TMEM254: variants seen among roughly 807,000 people sequenced by gnomAD.
TMEM254 encodes transmembrane protein 254, also known as transmembrane protein C10orf57.
A neutral mutation model predicts 13.9 loss-of-function variants in TMEM254; 16 were observed. That is an observed-to-expected ratio of 1.15 (90% CI 0.78 to 1.75). The LOEUF (loss-of-function observed/expected upper bound fraction) is 1.75, where lower values mean the gene tolerates loss of function less well. TMEM254 is among the 40% of genes most tolerant of loss of function. The pLI, the probability that TMEM254 is intolerant of heterozygous loss-of-function variation, is 0.00. For synonymous variants in TMEM254, 61 were observed against 56.4 expected (o/e 1.08, Z -0.36); for missense variants, 155 against 149.0 (o/e 1.04, Z -0.21).
intron 1 of TMEM254, 49 bp downstream of exon 1, chr10:80,078,835 C>A: frequency 6.4e-7 from 1 of 1,555,358 alleles, no homozygotes; most frequent in South Asian, 1.2e-5. Flanking sequence ...AGCGAGCGCT[C>A]GGTTCACCCC....
intron 3 of TMEM254, among the ~76,000 whole-genome samples, chr10:80,089,421 A>G (rs538717185): frequency 6.6e-6 from 1 of 152,262 alleles, no homozygotes; most frequent in African/African-American, 2.4e-5. Flanking sequence ...CTGTAATCCC[A>G]GCACTTCGGG....
Position 80,081,887 on chromosome 10 carries a change from C to T in TMEM254, c.134C>T (p.Pro45Leu). The change falls in exon 2 of 4, where the codon CCC becomes CTC. Residue 45 changes from proline (P) to leucine (L), a missense_variant. Transcript: ENST00000372281. The part of the protein sequence containing the change: ...PQSIPYQNLG[P>L]LGPFTQYLVD... ...AGTATCCCTTATCAGAACCTTGGGCCCCTGGGCCCCTTCACTCAGTACTTG... is the reference window on the plus strand; with the variant it reads ...AGTATCCCTTATCAGAACCTTGGGCTCCTGGGCCCCTTCACTCAGTACTTG... 1.2e-6 allele frequency: 2 copies of T among 1,614,154 alleles called. No homozygotes were observed. Among genetic ancestry groups the T allele is most frequent in the Non-Finnish European group, 1.7e-6 (2 of 1,180,026 alleles).
intron 3 of TMEM254, among the ~76,000 whole-genome samples, chr10:80,088,679 G>A (rs1844429864): frequency 6.7e-6 from 1 of 150,216 alleles, no homozygotes; most frequent in South Asian, 2.1e-4. Flanking sequence ...GCAGGAGAAT[G>A]GCATGAACCC....
chr10:80,081,515 A>G (rs1003215813), intron 1 of TMEM254: 2 of 634,456 alleles, frequency 3.2e-6, no homozygotes, highest in South Asian at 4.0e-5. Flanking sequence ...TACAATTTTT[A>G]AAAGTAGCTG....
At chr10:80,089,934 G>A (rs184972332) in intron 3 of TMEM254, among the ~76,000 whole-genome samples, 1 of 151,556 alleles carries the variant, frequency 6.6e-6, no homozygotes, top group Admixed American at 6.6e-5. Flanking sequence ...CAACCCGGGA[G>A]GCAGAGCTTG....
Position 80,078,769 on chromosome 10 carries a change from A to C in TMEM254, c.70A>C (p.Ser24Arg). 6.2e-7 allele frequency: 1 copy of C among 1,606,876 alleles called. No individual in the cohort carries two copies. The highest frequency in any genetic ancestry group is 8.5e-7 in the Non-Finnish European group (1 of 1,176,878). ...GTTCTGGTTCACAGTCATCACCCTC[A>C]GCTTTGGCTACTACACAGTAAGGAC... ...SLFWFTVITL[S>R]FGYYTWVVFW... The change falls in exon 1 of 4, where the codon AGC (serine) becomes CGC (arginine). Residue 24 changes from serine (S) to arginine (R), a missense_variant. By Grantham distance (110) the Ser-to-Arg change is moderately radical (BLOSUM62 -1). Coordinates refer to ENST00000372281, the MANE Select transcript of TMEM254 (RefSeq NM_025125.4).
intron 3 of TMEM254, 106 bp downstream of exon 3, chr10:80,082,310 C>T: frequency 7.4e-7 from 1 of 1,349,062 alleles, no homozygotes; most frequent in South Asian, 1.2e-5. Flanking sequence ...AGAATATTCT[C>T]AGGGTAGAGC....
At chr10:80,078,831 C>G (rs112292409) in intron 1 of TMEM254, 45 bp downstream of exon 1, 1 of 1,558,014 alleles carries the variant, frequency 6.4e-7, no homozygotes. Flanking sequence ...AACGAGCGAG[C>G]GCTCGGTTCA....
In TMEM254 at chr10:80,078,883, G is replaced by A. The variant is rs942679473; in HGVS notation, c.87+97G>A. On this transcript the variant is annotated intron_variant, in intron 1 of 3. Transcript: ENST00000372281. ...CACAGGCCGCGGGCCGGGGGAAGTC[G>A]TGCAAGCACAATCCCGACTCCCGCG... 8 of 1,531,376 alleles carry A rather than the reference G, an allele frequency of 5.2e-6. No homozygotes were observed. In the African/African-American group the frequency reaches 6.9e-5, roughly 13 times the overall value. 94.9% of individuals were successfully genotyped at this position (1,531,376 alleles called of 1,614,324 possible).
intron 3 of TMEM254, chr10:80,086,513 A>G: frequency 3.9e-6 from 1 of 255,594 alleles, no homozygotes; most frequent in Non-Finnish European, 7.7e-6. Flanking sequence ...TTTGTTTTTA[A>G]AAGTTAATAA....
rs894697056 is a variant in TMEM254 at position 80,079,142 on chromosome 10, C to G, written c.87+356C>G. On this transcript the variant is annotated intron_variant, in intron 1 of 3. Coordinates refer to ENST00000372281, the MANE Select transcript of TMEM254 (RefSeq NM_025125.4). ...CCGCCTATTTCCGTCCAGCAAGACCCTTGCCCTCTCTGGTCACAGTCCTGG... is the reference window on the plus strand; with the variant it reads ...CCGCCTATTTCCGTCCAGCAAGACCGTTGCCCTCTCTGGTCACAGTCCTGG... 3.1e-6 allele frequency: 4 copies of G among 1,307,522 alleles called. No homozygotes were observed. The Admixed American group carries it at 9.2e-5, about 30-fold the overall frequency. 81.0% of individuals were successfully genotyped at this position (1,307,522 alleles called of 1,614,324 possible).
intron 3 of TMEM254, chr10:80,086,569 G>C (rs536719278): frequency 1.2e-5 from 2 of 169,314 alleles, no homozygotes; most frequent in Non-Finnish European, 2.5e-5. Flanking sequence ...TTGGCTGGGC[G>C]CGGTGGCTCA....
In TMEM254 at chr10:80,081,925, C is replaced by T. The variant is rs774049412; in HGVS notation, c.172C>T (p.His58Tyr). The T allele has an allele frequency of 6.2e-7, 1 of 1,614,012 alleles. No homozygotes were observed. The highest frequency in any genetic ancestry group is 1.3e-5 in the African/African-American group (1 of 74,944). ...PFTQYLVDHH[H>Y]TLLCNGYWLA... ...CACTCAGTACTTGGTGGACCACCAT[C>T]ACACCCTCCTGTGCAATGGGTAAGG... The change falls in exon 2 of 4, where the codon CAC becomes TAC. Residue 58 changes from histidine (H) to tyrosine (Y), a missense_variant. By Grantham distance (83) the His-to-Tyr change is moderately conservative. Transcript: ENST00000372281.
intron 3 of TMEM254, chr10:80,090,408 A>T: frequency 1.4e-6 from 1 of 717,638 alleles, no homozygotes. Context: ...AGAGATTCTG[A>T]GTGATTTGCC....
Position 80,090,936 on chromosome 10 carries a change from T to A in TMEM254, c.*19T>A, listed in dbSNP as rs1248106830. On this transcript the variant is annotated 3_prime_UTR_variant, in exon 4 of 4. Coordinates refer to ENST00000372281, the MANE Select transcript of TMEM254 (RefSeq NM_025125.4). ...AACTTGAAGTTGTCTGAAAGCTTGC[T>A]CTACACTTTTACATTCATCCTCACC... 1.2e-6 allele frequency: 2 copies of A among 1,612,858 alleles called. No homozygotes were observed. Among genetic ancestry groups the A allele is most frequent in the African/African-American group, 2.7e-5 (2 of 74,868 alleles).
intron 2 of TMEM254, 47 bp from the exon 3 acceptor site, chr10:80,082,098 C>T: frequency 6.2e-7 from 1 of 1,603,372 alleles, no homozygotes; most frequent in Non-Finnish European, 8.5e-7. Flanking sequence ...ATTTCATCAG[C>T]AGATAACTAT....
chr10:80,090,278 A>G, intron 3 of TMEM254: 2 of 673,244 alleles, frequency 3.0e-6, no homozygotes, highest in South Asian at 1.6e-5. Context: ...GGTGTTTATC[A>G]TGACTGTGTG....
chr10:80,090,019 AAAG>A (rs1430537977), intron 3 of TMEM254, among the ~76,000 whole-genome samples: 1 of 152,012 alleles, frequency 6.6e-6, no homozygotes, highest in African/African-American at 2.4e-5. Context: ...AAAAAAAAAA[AAAG>A]AAATTTGTCA....
chr10:80,079,141 C>T (rs1454256071), intron 1 of TMEM254: 2 of 1,325,846 alleles, frequency 1.5e-6, no homozygotes, highest in Non-Finnish European at 2.0e-6. Flanking sequence ...CCAGCAAGAC[C>T]CTTGCCCTCT....
Sources: allele counts gnomAD v4.1 joint callset (sites outside exome capture counted in the v4.1 genomes callset), GRCh38; gene constraint gnomAD v4.1.1; transcripts MANE v1.5; gene names NCBI Gene and HGNC (gene_info 2026-07-23, HGNC 2026-07-21).